The following PLCE1 variants were observed in gnomAD, a reference collection of about 807,000 sequenced individuals.
The protein encoded by PLCE1 is 1-phosphatidylinositol 4,5-bisphosphate phosphodiesterase epsilon-1.
Under a neutral mutation model 242.8 loss-of-function variants are expected in PLCE1, and 119 were observed. That is an observed-to-expected ratio of 0.49 (90% confidence interval 0.42 to 0.57). The LOEUF (loss-of-function observed/expected upper bound fraction) is 0.57, where lower values mean the gene tolerates loss of function less well. Among genes scored for constraint, PLCE1 ranks in the 20% least tolerant of loss-of-function variants. The pLI is 0.00. For synonymous variants in PLCE1, 945 were observed against 1,017.4 expected (o/e 0.93, Z 1.35); for missense variants, 2,441 against 2,788.8 (o/e 0.88, Z 2.81).
At chr10:94,001,362 G>C (rs1383498086) in intron 1 of PLCE1, among the ~76,000 whole-genome samples, 2 of 152,172 alleles carry the variant, frequency 1.3e-5, no homozygotes, top group African/African-American at 4.8e-5. Flanking sequence ...CTCCTTTAGA[G>C]GGGCTGATGA....
intron 7 of PLCE1, among the ~76,000 whole-genome samples, chr10:94,237,493 T>C (rs1490817636): frequency 6.6e-6 from 1 of 152,228 alleles, no homozygotes; most frequent in Non-Finnish European, 1.5e-5. Context: ...CTAATCATTT[T>C]ATCACGTACA....
At chr10:94,079,789 G>GA (rs2044605334) in intron 2 of PLCE1, among the ~76,000 whole-genome samples, 1 of 152,172 alleles carries the variant, frequency 6.6e-6, no homozygotes, top group South Asian at 2.1e-4. Flanking sequence ...TTCTAGGTTG[G>GA]TTTTTTAGCT....
intron 2 of PLCE1, among the ~76,000 whole-genome samples, chr10:94,103,104 G>C (rs1050206753): frequency 6.6e-6 from 1 of 152,180 alleles, no homozygotes; most frequent in African/African-American, 2.4e-5. Context: ...GGCACCTGGG[G>C]ACAAGAACAG....
intron 4 of PLCE1, among the ~76,000 whole-genome samples, chr10:94,177,647 A>G (rs1435301326): frequency 6.6e-6 from 1 of 152,142 alleles, no homozygotes; most frequent in Non-Finnish European, 1.5e-5. Flanking sequence ...ACAGTCTCAA[A>G]TCATATTGTT....
chr10:94,191,013 A>G lies in PLCE1; in HGVS notation c.1809+19517A>G, dbSNP rs189309164. Among the ~76,000 whole-genome samples the G allele has an allele frequency of 7.0e-4, 107 of 152,322 alleles. No individual in the cohort carries two copies. The Middle Eastern group carries it at 0.02, about 29-fold the overall frequency. On this transcript the variant is annotated intron_variant, in intron 4 of 32. Coordinates refer to ENST00000371380, the MANE Select transcript of PLCE1 (RefSeq NM_016341.4). ...CAGATCATAAAAGGATCCAGTGAGA[A>G]GGATCATGTGGGCATCACAAGAGAA...
intron 7 of PLCE1, among the ~76,000 whole-genome samples, chr10:94,244,193 G>C (rs766725735): frequency 6.6e-6 from 1 of 152,138 alleles, no homozygotes; most frequent in Admixed American, 6.5e-5. Flanking sequence ...ATCTTGTTCA[G>C]GGACCATAGT....
chr10:94,007,420 T>C (rs777179117), intron 1 of PLCE1, among the ~76,000 whole-genome samples: 53 of 152,166 alleles, frequency 3.5e-4, no homozygotes, highest in Admixed American at 1.1e-3. Context: ...AACAAACCCT[T>C]GCCCAAGTGG....
chr10:94,165,094 T>A (rs1487248456), intron 3 of PLCE1, among the ~76,000 whole-genome samples: 1 of 152,174 alleles, frequency 6.6e-6, no homozygotes, highest in African/African-American at 2.4e-5. Context: ...GGGACCCACT[T>A]GAGGAGGCAG....
chr10:94,022,201 A>G (rs2061386563), intron 1 of PLCE1, among the ~76,000 whole-genome samples: 1 of 152,010 alleles, frequency 6.6e-6, no homozygotes, highest in Non-Finnish European at 1.5e-5. Flanking sequence ...CAAGGTTATA[A>G]TTTATGTTGT....
At chr10:94,110,107 G>GGCT in intron 2 of PLCE1, among the ~76,000 whole-genome samples, 1 of 118,370 alleles carries the variant, frequency 8.4e-6, no homozygotes, top group East Asian at 2.5e-4. Context: ...CTGTCACCCA[G>GGCT]GCTGGAGTGC....
intron 24 of PLCE1, among the ~76,000 whole-genome samples, chr10:94,301,188 A>G (rs1267294465): frequency 1.3e-5 from 2 of 152,050 alleles, no homozygotes; most frequent in Non-Finnish European, 2.9e-5. Flanking sequence ...GTACTGAAAT[A>G]CAAAAACTAG....
At chr10:94,288,185 C>A (rs1439529215) in intron 22 of PLCE1, among the ~76,000 whole-genome samples, 1 of 152,118 alleles carries the variant, frequency 6.6e-6, no homozygotes, top group Non-Finnish European at 1.5e-5. Flanking sequence ...TCACCCAAGT[C>A]GTGTAAGTCA....
intron 1 of PLCE1, among the ~76,000 whole-genome samples, chr10:94,009,750 A>C (rs2061130224): frequency 6.6e-6 from 1 of 152,210 alleles, no homozygotes; most frequent in African/African-American, 2.4e-5. Context: ...CAGGCATTAA[A>C]CCTTAAAGCT....
chr10:94,046,714 G>A (rs2061891784), intron 2 of PLCE1, among the ~76,000 whole-genome samples: 1 of 152,288 alleles, frequency 6.6e-6, no homozygotes, highest in Non-Finnish European at 1.5e-5. Flanking sequence ...ATGATTAAAG[G>A]TATGAGGTTA....
At chr10:94,193,294 T>C (rs1405744409) in intron 4 of PLCE1, among the ~76,000 whole-genome samples, 2 of 151,906 alleles carry the variant, frequency 1.3e-5, no homozygotes, top group African/African-American at 4.8e-5. Context: ...GGTGAGAAAA[T>C]GTAGGTAATG....
At chr10:94,008,058 G>C (rs1257019711) in intron 1 of PLCE1, among the ~76,000 whole-genome samples, 3 of 151,496 alleles carry the variant, frequency 2.0e-5, no homozygotes, top group Admixed American at 6.6e-5. Context: ...TGGACATGGT[G>C]GCACACACCT....
chr10:94,162,713 G>C (rs908856987), intron 3 of PLCE1, among the ~76,000 whole-genome samples: 1 of 152,004 alleles, frequency 6.6e-6, no homozygotes, highest in Admixed American at 6.6e-5. Context: ...GAATGTGTTC[G>C]CTCTTGTTTC....
At chr10:94,018,801 C>T (rs1040179422) in intron 1 of PLCE1, among the ~76,000 whole-genome samples, 1 of 152,120 alleles carries the variant, frequency 6.6e-6, no homozygotes. Flanking sequence ...TGCACATGTG[C>T]TAAGCACCCA....
intron 4 of PLCE1, among the ~76,000 whole-genome samples, chr10:94,211,552 T>C (rs1348508048): frequency 6.6e-6 from 1 of 152,274 alleles, no homozygotes; most frequent in African/African-American, 2.4e-5. Flanking sequence ...TGTTACATTA[T>C]GTAGTAGAAC....
Sources: gnomAD v4.1 joint callset for allele counts (sites outside exome capture counted in the v4.1 genomes callset) on GRCh38, gnomAD v4.1.1 for gene constraint, MANE v1.5 for transcripts, NCBI Gene and HGNC (gene_info 2026-07-23, HGNC 2026-07-21) for gene names.